The following CAST variants were observed in gnomAD, a reference collection of about 807,000 sequenced individuals.
CAST encodes MIR583 host.
CAST carries 76 observed loss-of-function variants against 119.6 expected under a neutral mutation model. The observed-to-expected ratio is 0.64, with a 90% CI of 0.53 to 0.77. The LOEUF is 0.77. Ranked by LOEUF, CAST falls within the 30% of genes least tolerant of loss-of-function variation. The pLI is 0.00. For missense variants in CAST, 953 were observed against 946.5 expected, an observed-to-expected ratio of 1.01 and a Z score of -0.09; for synonymous variants, 319 against 331.6, an observed-to-expected ratio of 0.96 and a Z score of 0.41.
At chr5:96,241,259 A>G in the CAST span, among the ~76,000 whole-genome samples, 2 of 127,124 alleles carry the variant, frequency 1.6e-5, no homozygotes, top group Non-Finnish European at 1.6e-5. Context: ...TCCCCTTCCT[A>G]TGTCCATATG....
At chr5:96,513,117 C>T in the CAST span, among the ~76,000 whole-genome samples, 5 of 152,162 alleles carry the variant, frequency 3.3e-5, no homozygotes, top group African/African-American at 7.2e-5. Flanking sequence ...ATCACTCATT[C>T]GGCTGCTAAT....
chr5:96,547,992 T>A (rs895271177), intron 1 of CAST, among the ~76,000 whole-genome samples: 9 of 151,862 alleles, frequency 5.9e-5, no homozygotes, highest in Non-Finnish European at 8.8e-5. Context: ...ACAATGTAAG[T>A]CTTTGAGCCA....
At chr5:96,443,350 G>A in the CAST span, among the ~76,000 whole-genome samples, 1 of 152,150 alleles carries the variant, frequency 6.6e-6, no homozygotes, top group Non-Finnish European at 1.5e-5. Flanking sequence ...TAAAATTTAT[G>A]TATATCAATC....
chr5:96,094,895 A>G, the CAST span, among the ~76,000 whole-genome samples: 1 of 152,256 alleles, frequency 6.6e-6, no homozygotes, highest in African/African-American at 2.4e-5. Flanking sequence ...TTGTGAAGTA[A>G]TTAGGCTACA....
chr5:96,340,589 G>C, the CAST span, among the ~76,000 whole-genome samples: 1 of 152,172 alleles, frequency 6.6e-6, no homozygotes, highest in African/African-American at 2.4e-5. Context: ...TTGACTGCCA[G>C]GTCCCGGTAG....
the CAST span, among the ~76,000 whole-genome samples, chr5:96,354,119 G>A: frequency 0.66 from 100,122 of 151,888 alleles, 33,201 homozygotes; most frequent in African/African-American, 0.7. Flanking sequence ...TCAAGAATCC[G>A]ACCAATTACC....
the CAST span, among the ~76,000 whole-genome samples, chr5:96,289,113 A>C: frequency 1.3e-5 from 2 of 151,410 alleles, no homozygotes; most frequent in African/African-American, 2.4e-5. Context: ...AAAAAAAAAA[A>C]CCCTTAGAAT....
At chr5:96,538,973 C>G (rs1364124977) in intron 1 of CAST, among the ~76,000 whole-genome samples, 3 of 152,164 alleles carry the variant, frequency 2.0e-5, no homozygotes. Flanking sequence ...CAGCATATCA[C>G]TCTGAATTGT....
chr5:96,376,083 T>C, the CAST span, among the ~76,000 whole-genome samples: 1 of 151,538 alleles, frequency 6.6e-6, no homozygotes, highest in Non-Finnish European at 1.5e-5. Context: ...TCTTTTCTTT[T>C]CTCAGACCTC....
the CAST span, among the ~76,000 whole-genome samples, chr5:96,188,268 G>A: frequency 6.6e-6 from 1 of 151,970 alleles, no homozygotes; most frequent in South Asian, 2.1e-4. Context: ...ACTGTTTTCT[G>A]CCCTTTTTGC....
At chr5:96,634,253 C>G (rs1189396583) in intron 1 of CAST, among the ~76,000 whole-genome samples, 1 of 152,172 alleles carries the variant, frequency 6.6e-6, no homozygotes, top group Non-Finnish European at 1.5e-5. Flanking sequence ...TAACCTTTAT[C>G]ATAGAGATCA....
chr5:96,332,311 C>T, the CAST span, among the ~76,000 whole-genome samples: 1 of 152,156 alleles, frequency 6.6e-6, no homozygotes, highest in Non-Finnish European at 1.5e-5. Context: ...AATGTTGCCC[C>T]TTGTTTGGGA....
At chr5:96,534,739 G>GAGAGAAAGAA (rs1745757908) in intron 1 of CAST, among the ~76,000 whole-genome samples, 3 of 22,676 alleles carry the variant, frequency 1.3e-4, no homozygotes, top group African/African-American at 4.2e-4. Context: ...GAGAGAGAGA[G>GAGAGAAAGAA]AGAAAGAAAG....
chr5:96,440,427 G>T, the CAST span, among the ~76,000 whole-genome samples: 1 of 152,140 alleles, frequency 6.6e-6, no homozygotes. Context: ...AGAGAGAGAG[G>T]CTAAGACCAG....
the CAST span, among the ~76,000 whole-genome samples, chr5:96,172,949 A>C: frequency 1.3e-5 from 2 of 152,168 alleles, no homozygotes. Context: ...GCTGCCCCCA[A>C]ATTTTGGGCA....
At chr5:96,367,166 C>T in the CAST span, among the ~76,000 whole-genome samples, 10 of 152,282 alleles carry the variant, frequency 6.6e-5, no homozygotes, top group African/African-American at 2.4e-4. Context: ...AACACTGCTG[C>T]CTGATCGTTC....
chr5:96,595,838 C>T (rs1278381590), intron 1 of CAST, among the ~76,000 whole-genome samples: 1 of 152,066 alleles, frequency 6.6e-6, no homozygotes, highest in African/African-American at 2.4e-5. Flanking sequence ...ATATTAGACC[C>T]AAATAATGGA....
chr5:96,281,521 A>G, the CAST span, among the ~76,000 whole-genome samples: 1 of 152,210 alleles, frequency 6.6e-6, no homozygotes, highest in African/African-American at 2.4e-5. Context: ...TCTCTCTCAC[A>G]TAAGGGTCTA....
the CAST span, chr5:96,393,180 T>A: frequency 6.2e-7 from 1 of 1,614,162 alleles, no homozygotes; most frequent in Non-Finnish European, 8.5e-7. Flanking sequence ...TCATAAGGGA[T>A]GTTGAGCTTT....
Sources: gnomAD v4.1 joint callset for allele counts (sites outside exome capture counted in the v4.1 genomes callset) on GRCh38, gnomAD v4.1.1 for gene constraint, MANE v1.5 for transcripts, NCBI Gene and HGNC (gene_info 2026-07-23, HGNC 2026-07-21) for gene names.